Variants in MNAT1 observed in about 807,000 individuals in gnomAD.
MNAT1 encodes the protein MNAT1 component of CDK activating kinase.
MNAT1 carries 43 observed loss-of-function variants against 42.0 expected under a neutral mutation model. The ratio of observed to expected loss-of-function variants is 1.02; its 90% CI spans 0.80 to 1.32. The LOEUF is 1.32. Ranked by LOEUF, MNAT1 falls within the 40% of genes most tolerant of loss-of-function variation. The pLI is 0.00. For synonymous variants in MNAT1, 118 were observed against 120.0 expected (o/e 0.98, Z 0.11); for missense variants, 306 against 350.4 (o/e 0.87, Z 1.01).
chr14:60,877,263 A>G (rs2034454402), intron 6 of MNAT1, among the ~76,000 whole-genome samples: 1 of 152,040 alleles, frequency 6.6e-6, no homozygotes, highest in Admixed American at 6.6e-5. Flanking sequence ...ATCTCTGTTC[A>G]AATCCTTCGC....
chr14:60,839,788 T>C (rs894198177), intron 6 of MNAT1, among the ~76,000 whole-genome samples: 2 of 152,200 alleles, frequency 1.3e-5, no homozygotes, highest in Non-Finnish European at 2.9e-5. Flanking sequence ...CAGGCTTGCA[T>C]GGAGAAAGTG....
At chr14:60,925,092 A>C (rs1266974368) in intron 7 of MNAT1, among the ~76,000 whole-genome samples, 1 of 152,198 alleles carries the variant, frequency 6.6e-6, no homozygotes, top group African/African-American at 2.4e-5. Context: ...TGGGGAGAAA[A>C]ACAATAGTTG....
At chr14:60,907,819 AT>A (rs941664240) in intron 7 of MNAT1, among the ~76,000 whole-genome samples, 1 of 151,258 alleles carries the variant, frequency 6.6e-6, no homozygotes, top group Non-Finnish European at 1.5e-5. Context: ...GCTAGAATCA[AT>A]TTTAATGAAA....
At chr14:60,896,198 G>T (rs574783197) in intron 7 of MNAT1, among the ~76,000 whole-genome samples, 41 of 152,196 alleles carry the variant, frequency 2.7e-4, no homozygotes, top group African/African-American at 9.9e-4. Flanking sequence ...TACTCTTCTG[G>T]TGTGCTCAAA....
At chr14:60,958,601 C>CT (rs777233480) in intron 7 of MNAT1, among the ~76,000 whole-genome samples, 38 of 43,068 alleles carry the variant, frequency 8.8e-4, no homozygotes, top group Non-Finnish European at 2.1e-3. Context: ...TTCTCTTTCT[C>CT]TTTCTTTCTT....
chr14:60,832,418 CATTT>C (rs1351249265), intron 6 of MNAT1, among the ~76,000 whole-genome samples: 1 of 152,140 alleles, frequency 6.6e-6, no homozygotes, highest in African/African-American at 2.4e-5. Context: ...TTCCTGGCAC[CATTT>C]ATTAAGTAGG....
intron 3 of MNAT1, chr14:60,799,225 G>A (rs1230930650): frequency 2.0e-6 from 2 of 984,726 alleles, no homozygotes; most frequent in Non-Finnish European, 2.4e-6. Flanking sequence ...TTTCCATTCT[G>A]CATGTACTCA....
At chr14:60,888,465 T>C (rs2087889207) in intron 7 of MNAT1, among the ~76,000 whole-genome samples, 1 of 152,074 alleles carries the variant, frequency 6.6e-6, no homozygotes, top group Non-Finnish European at 1.5e-5. Flanking sequence ...ATAAGAGCTA[T>C]CTATGACAAA....
chr14:60,932,221 A>C (rs1160160812), intron 7 of MNAT1, among the ~76,000 whole-genome samples: 1 of 151,962 alleles, frequency 6.6e-6, no homozygotes, highest in Non-Finnish European at 1.5e-5. Flanking sequence ...TAATTCGCTC[A>C]TATTTCTTAA....
chr14:60,896,522 A>G (rs1330190293), intron 7 of MNAT1, among the ~76,000 whole-genome samples: 3 of 152,106 alleles, frequency 2.0e-5, no homozygotes, highest in Admixed American at 6.6e-5. Flanking sequence ...TGGAGTCTCT[A>G]TTGCCCAAAC....
intron 7 of MNAT1, among the ~76,000 whole-genome samples, chr14:60,939,571 G>C (rs2036093012): frequency 6.6e-6 from 1 of 152,148 alleles, no homozygotes. Flanking sequence ...CTGAATTCTA[G>C]TTTGATTGCA....
At chr14:60,795,439 AT>A (rs926650081) in intron 1 of MNAT1, among the ~76,000 whole-genome samples, 35 of 152,096 alleles carry the variant, frequency 2.3e-4, no homozygotes, top group African/African-American at 8.2e-4. Context: ...TCTCCAGTTC[AT>A]TGTTTTTTCA....
chr14:60,866,235 T>G (rs1437205047), intron 6 of MNAT1, among the ~76,000 whole-genome samples: 1 of 151,826 alleles, frequency 6.6e-6, no homozygotes, highest in African/African-American at 2.4e-5. Flanking sequence ...ATAAAGAGAT[T>G]AAAATATGCA....
Position 60,785,891 on chromosome 14 carries a change from C to G in MNAT1, c.90-10326C>G, listed in dbSNP as rs189381241. 1.3e-5 allele frequency among the ~76,000 whole-genome samples: 2 copies of G among 152,054 alleles called. 1 individual carries two copies. The highest frequency in any genetic ancestry group is 3.9e-4 in the East Asian group (2 of 5,180). Reference sequence around the variant, plus strand: ...TCTTGACTAGTTGTTATATTTTATTCTATTTAAAAGGTCATAATAATGGAT... The same window carrying G: ...TCTTGACTAGTTGTTATATTTTATTGTATTTAAAAGGTCATAATAATGGAT... On this transcript the variant is annotated intron_variant, in intron 1 of 7. Transcript: ENST00000261245.
intron 1 of MNAT1, among the ~76,000 whole-genome samples, chr14:60,782,139 A>G (rs2031485724): frequency 1.3e-5 from 2 of 152,120 alleles, no homozygotes; most frequent in Admixed American, 1.3e-4. Context: ...ACATTTTTCA[A>G]TGAAATAAGG....
intron 6 of MNAT1, among the ~76,000 whole-genome samples, chr14:60,876,307 T>C (rs541546786): frequency 6.6e-6 from 1 of 152,186 alleles, no homozygotes; most frequent in African/African-American, 2.4e-5. Context: ...GTTAAAATAC[T>C]ATGAATGAAA....
intron 1 of MNAT1, among the ~76,000 whole-genome samples, chr14:60,784,433 C>G (rs558986952): frequency 2.0e-5 from 3 of 151,822 alleles, no homozygotes; most frequent in Non-Finnish European, 2.9e-5. Flanking sequence ...CCTGCTGCGG[C>G]CTTCCAAAGT....
chr14:60,909,040 T>A lies in MNAT1; in HGVS notation c.809+29205T>A, dbSNP rs377350562. Among the ~76,000 whole-genome samples the A allele has an allele frequency of 1.1e-3, 168 of 152,324 alleles. No individual in the cohort carries two copies. The East Asian group carries it at 0.023, about 21-fold the overall frequency. The stretch of plus-strand genomic sequence containing the variant: ...CTAACTGGTGTGAGATGGTATCTCA[T>A]TGTGGTTTTGATTTGCATTTCTCTG... On this transcript the variant is annotated intron_variant, in intron 7 of 7. Coordinates refer to ENST00000261245, the MANE Select transcript of MNAT1 (RefSeq NM_002431.4).
chr14:60,936,212 A>T (rs2035991898), intron 7 of MNAT1, among the ~76,000 whole-genome samples: 1 of 151,500 alleles, frequency 6.6e-6, no homozygotes, highest in Non-Finnish European at 1.5e-5. Context: ...TTCTCCGGAG[A>T]CCCCTTTTTT....
Sources: gnomAD v4.1 joint callset for allele counts (sites outside exome capture counted in the v4.1 genomes callset) on GRCh38, gnomAD v4.1.1 for gene constraint, MANE v1.5 for transcripts, NCBI Gene and HGNC (gene_info 2026-07-23, HGNC 2026-07-21) for gene names.